Variants in ZC3H12C observed in about 807,000 individuals in gnomAD.
ZC3H12C encodes the protein probable ribonuclease ZC3H12C.
In ZC3H12C, 20 loss-of-function variants were observed where a neutral mutation model predicts 76.3. The observed-to-expected ratio is 0.26, with a 90% CI of 0.18 to 0.38. ZC3H12C has a LOEUF of 0.38. ZC3H12C is among the 10% of genes least tolerant of loss of function. The pLI is 1.00. For missense variants in ZC3H12C, 874 were observed against 1,086.5 expected, an observed-to-expected ratio of 0.80 and a Z score of 2.75; for synonymous variants, 352 against 399.6, an observed-to-expected ratio of 0.88 and a Z score of 1.42.
Position 110,136,933 on chromosome 11 carries a change from C to A in ZC3H12C, c.292C>A (p.His98Asn). 2 of 1,613,686 alleles carry A rather than the reference C, an allele frequency of 1.2e-6. No individual in the cohort carries two copies. The highest frequency in any genetic ancestry group is 1.7e-6 in the Non-Finnish European group (2 of 1,179,790). ...GDSEENTNSDHESEQLGSISV... is the reference protein window; with the variant it reads ...GDSEENTNSDNESEQLGSISV... ...CTCTGAAGAAAACACAAATTCTGATCATGAGTCAGAACAATTGGGTAGCAT... is the reference window on the plus strand; with the variant it reads ...CTCTGAAGAAAACACAAATTCTGATAATGAGTCAGAACAATTGGGTAGCAT... Residue 98 changes from histidine to asparagine, a missense_variant, in exon 2 of 6, where the codon CAT becomes AAT. By Grantham distance (68) the His-to-Asn change is moderately conservative. Around this residue, in one of 3 missense-constraint regions of ZC3H12C, gnomAD observed 210 missense variants for 227.1 expected, o/e 0.92. Transcript: ENST00000278590.
chr11:110,116,889 A>T (rs539746765), intron 1 of ZC3H12C, among the ~76,000 whole-genome samples: 1 of 152,340 alleles, frequency 6.6e-6, no homozygotes, highest in South Asian at 2.1e-4. Context: ...ATTGGTTCTT[A>T]TATCCATAAA....
At chr11:110,095,736 A>C (rs982029843) in intron 1 of ZC3H12C, among the ~76,000 whole-genome samples, 1 of 152,188 alleles carries the variant, frequency 6.6e-6, no homozygotes, top group Non-Finnish European at 1.5e-5. Context: ...GTAGGATTTG[A>C]GTAGGTAGAG....
intron 1 of ZC3H12C, chr11:110,124,367 C>T (rs1327976612): frequency 1.3e-5 from 2 of 151,752 alleles, no homozygotes; most frequent in Non-Finnish European, 2.9e-5. Context: ...TTTTATTGGT[C>T]GATTTTTCAC....
At chr11:110,119,555 C>T (rs1304191300) in intron 1 of ZC3H12C, among the ~76,000 whole-genome samples, 1 of 152,202 alleles carries the variant, frequency 6.6e-6, no homozygotes, top group Non-Finnish European at 1.5e-5. Context: ...CTTGCTGTTC[C>T]ATGAGCACAC....
At chr11:110,153,407 C>G (rs796636272) in intron 3 of ZC3H12C, among the ~76,000 whole-genome samples, 1 of 152,110 alleles carries the variant, frequency 6.6e-6, no homozygotes, top group African/African-American at 2.4e-5. Context: ...AGGCTGGTCT[C>G]GAACTCCTGA....
intron 2 of ZC3H12C, among the ~76,000 whole-genome samples, chr11:110,150,635 AT>A (rs1862255361): frequency 6.6e-6 from 1 of 151,990 alleles, no homozygotes; most frequent in Non-Finnish European, 1.5e-5. Context: ...TTTTGAAATA[AT>A]TTTTTCTCTT....
At chr11:110,145,125 A>ATT (rs1467579547) in intron 2 of ZC3H12C, among the ~76,000 whole-genome samples, 1 of 152,172 alleles carries the variant, frequency 6.6e-6, no homozygotes, top group Non-Finnish European at 1.5e-5. Context: ...TCTATTATCT[A>ATT]TTAACCATTG....
chr11:110,115,550 GTCTTGGCC>G (rs1861510236), intron 1 of ZC3H12C, among the ~76,000 whole-genome samples: 1 of 151,998 alleles, frequency 6.6e-6, no homozygotes, highest in South Asian at 2.1e-4. Context: ...TGATGCACAC[GTCTTGGCC>G]TCCCAAAGTG....
Position 110,164,504 on chromosome 11 carries a change from C to T in ZC3H12C, c.1419C>T (p.Ser473=). 6.2e-7 allele frequency: 1 copy of T among 1,613,980 alleles called. No homozygotes were observed. Among genetic ancestry groups the T allele is most frequent in the Non-Finnish European group, 8.5e-7 (1 of 1,179,880 alleles). ...TGAAAAGCAACAGTGTTCCTTGTAG[C>T]ACCAAGGCTGATAGCACTTCTGATG... The part of the protein sequence containing the change: ...GLVKSNSVPC[S]TKADSTSDVK... The change falls in exon 6 of 6, where the codon AGC becomes AGT. Residue 473 remains serine (S), a synonymous_variant. Coordinates refer to ENST00000278590, the MANE Select transcript of ZC3H12C (RefSeq NM_033390.2). This position sits in a 1 kb window ranked among gnomAD's most constrained non-coding sequence, Gnocchi z 5.7.
intron 2 of ZC3H12C, among the ~76,000 whole-genome samples, chr11:110,143,443 G>GA (rs1862103417): frequency 6.6e-6 from 1 of 151,250 alleles, no homozygotes; most frequent in Non-Finnish European, 1.5e-5. Flanking sequence ...TAAAATATGA[G>GA]AAAAAAATAA....
chr11:110,101,202 G>T (rs1033947951), intron 1 of ZC3H12C, among the ~76,000 whole-genome samples: 1 of 152,154 alleles, frequency 6.6e-6, no homozygotes, highest in African/African-American at 2.4e-5. Flanking sequence ...GGCTAAGAGA[G>T]GTGAGGAAGC....
chr11:110,095,561 G>C (rs533980118), intron 1 of ZC3H12C, among the ~76,000 whole-genome samples: 112 of 152,340 alleles, frequency 7.4e-4, no homozygotes, highest in African/African-American at 2.3e-3. Flanking sequence ...AAACTGGTAT[G>C]CTTCTGTTCT....
chr11:110,169,338 G>C lies in ZC3H12C; in HGVS notation c.*3601G>C, dbSNP rs1862633891. 1.1e-5 allele frequency: 1 copy of C among 90,876 alleles called. No homozygotes were observed. Among genetic ancestry groups the C allele is most frequent in the African/African-American group, 4.1e-5 (1 of 24,326 alleles). 5.6% of individuals were successfully genotyped at this position (90,876 alleles called of 1,614,324 possible). A position where few individuals can be genotyped will look rare whatever the true frequency, so the allele number is the denominator to read the frequency against. On this transcript the variant is annotated 3_prime_UTR_variant, in exon 6 of 6. Transcript: ENST00000278590. ...TTGTGACAGGTGGGAGGATGGCTCT[G>C]GGTGTGTGTGTGTGTGTGTGTGTGT... is the stretch of plus-strand genomic sequence containing the variant.
At chr11:110,134,779 A>G (rs1861925374) in intron 1 of ZC3H12C, among the ~76,000 whole-genome samples, 1 of 152,110 alleles carries the variant, frequency 6.6e-6, no homozygotes, top group Non-Finnish European at 1.5e-5. Flanking sequence ...TAGAACAATG[A>G]TATTAAAGTT....
At chr11:110,094,182 C>CA (rs1302320692) in intron 1 of ZC3H12C, among the ~76,000 whole-genome samples, 2 of 152,180 alleles carry the variant, frequency 1.3e-5, no homozygotes, top group African/African-American at 4.8e-5. Context: ...GTCTGGGGTT[C>CA]TTGCCATTTG....
chr11:110,159,193 A>G, intron 3 of ZC3H12C, 63 bp from the exon 4 acceptor site: 1 of 1,264,936 alleles, frequency 7.9e-7, no homozygotes, highest in Non-Finnish European at 1.1e-6. Context: ...CATTGTATGA[A>G]AGTTGCCATG....
chr11:110,096,920 CAGTGT>C, intron 1 of ZC3H12C, among the ~76,000 whole-genome samples: 1 of 152,278 alleles, frequency 6.6e-6, no homozygotes, highest in East Asian at 1.9e-4. Context: ...GATGTAACAG[CAGTGT>C]AGTTCACAAA....
At chr11:110,130,931 C>G (rs555675790) in intron 1 of ZC3H12C, 3 of 1,168,412 alleles carry the variant, frequency 2.6e-6, no homozygotes, top group Non-Finnish European at 3.6e-6. Flanking sequence ...AGCTTTCTGG[C>G]CTATGATTGG....
intron 1 of ZC3H12C, among the ~76,000 whole-genome samples, chr11:110,108,073 G>A (rs750957691): frequency 5.3e-5 from 8 of 152,020 alleles, no homozygotes; most frequent in Admixed American, 6.6e-5. Context: ...TCAGCCTCCC[G>A]AGTAGCTGGG....
Sources: allele counts gnomAD v4.1 joint callset (sites outside exome capture counted in the v4.1 genomes callset), GRCh38; gene constraint gnomAD v4.1.1; regional missense constraint gnomAD v4.1.1; non-coding constraint Gnocchi (gnomAD v3.1); transcripts MANE v1.5; gene names NCBI Gene and HGNC (gene_info 2026-07-23, HGNC 2026-07-21).